CTDSPL: variants seen among roughly 807,000 people sequenced by gnomAD.
CTDSPL encodes the protein CTD small phosphatase-like protein.
CTDSPL carries 8 observed loss-of-function variants against 30.5 expected under a neutral mutation model. The ratio of observed to expected loss-of-function variants is 0.26; its 90% CI spans 0.15 to 0.47. The LOEUF (loss-of-function observed/expected upper bound fraction) is 0.47. Among genes scored for constraint, CTDSPL ranks in the 20% least tolerant of loss-of-function variants. CTDSPL has a pLI of 0.99. For synonymous variants in CTDSPL, 110 were observed against 137.9 expected, an observed-to-expected ratio of 0.80 and a Z score of 1.42; for missense variants, 248 against 366.1, an observed-to-expected ratio of 0.68 and a Z score of 2.63.
At chr3:37,968,234 C>T in intron 5 of CTDSPL, 1 of 460,902 alleles carries the variant, frequency 2.2e-6, no homozygotes. Flanking sequence ...AGGAAAATGC[C>T]ACAAGTCACC....
chr3:37,943,488 T>C (rs1019987682), intron 1 of CTDSPL, among the ~76,000 whole-genome samples: 3 of 150,200 alleles, frequency 2.0e-5, no homozygotes, highest in Non-Finnish European at 3.0e-5. Flanking sequence ...TTGGAATGAC[T>C]TTTGATGACT....
intron 1 of CTDSPL, among the ~76,000 whole-genome samples, chr3:37,926,186 A>G (rs181430938): frequency 6.6e-6 from 1 of 152,264 alleles, no homozygotes; most frequent in Admixed American, 6.5e-5. Context: ...CCAGCTGACA[A>G]AGGGAAATTA....
intron 1 of CTDSPL, among the ~76,000 whole-genome samples, chr3:37,920,082 A>T (rs1037444997): frequency 8.1e-6 from 1 of 124,120 alleles, no homozygotes; most frequent in Non-Finnish European, 1.8e-5. Flanking sequence ...GGGTGGAAAT[A>T]AAAAAAAAAC....
intron 1 of CTDSPL, among the ~76,000 whole-genome samples, chr3:37,942,235 A>T (rs78453411): frequency 0.012 from 1,795 of 150,692 alleles, 71 homozygotes; most frequent in African/African-American, 0.04. Flanking sequence ...TAGTTGTCAG[A>T]TAGCAGAGAA....
At position 37,979,854 on chromosome 3, in the gene CTDSPL, G is replaced by A. The variant is rs564057641; in HGVS notation, c.706-888G>A. 2.5e-4 allele frequency among the ~76,000 whole-genome samples: 38 copies of A among 151,450 alleles called. 1 individual carries two copies. The South Asian group carries it at 7.7e-3, about 31-fold the overall frequency. ...CACTTTTATTGCTTTTTTTCTTAAT[G>A]GTTTAATTGTATTTTAATTATATAA... On this transcript the variant is annotated intron_variant, in intron 7 of 7. Transcript: ENST00000273179.
intron 1 of CTDSPL, among the ~76,000 whole-genome samples, chr3:37,902,046 G>A (rs926110604): frequency 7.2e-5 from 11 of 152,154 alleles, no homozygotes; most frequent in African/African-American, 2.2e-4. Context: ...TAGAGAAGGA[G>A]GAAGGAGCAA....
At chr3:37,879,706 G>A (rs1184925334) in intron 1 of CTDSPL, among the ~76,000 whole-genome samples, 1 of 152,184 alleles carries the variant, frequency 6.6e-6, no homozygotes, top group Non-Finnish European at 1.5e-5. Context: ...GCAGGATGCA[G>A]CAAATAGAGT....
At chr3:37,958,887 G>C (rs533025022) in intron 3 of CTDSPL, among the ~76,000 whole-genome samples, 1 of 152,330 alleles carries the variant, frequency 6.6e-6, no homozygotes, top group South Asian at 2.1e-4. Context: ...TTAGCATATA[G>C]GACTGATCCC....
chr3:37,867,262 A>AT (rs1698020795), intron 1 of CTDSPL, among the ~76,000 whole-genome samples: 1 of 152,182 alleles, frequency 6.6e-6, no homozygotes, highest in African/African-American at 2.4e-5. Flanking sequence ...TTATCTGGAG[A>AT]TTCATCCAGG....
At chr3:37,935,878 G>A (rs1575306847) in intron 1 of CTDSPL, among the ~76,000 whole-genome samples, 1 of 152,152 alleles carries the variant, frequency 6.6e-6, no homozygotes, top group African/African-American at 2.4e-5. Context: ...CTGGAGTCAG[G>A]TTGTTCTGGC....
chr3:37,962,125 G>A (rs947124375), intron 3 of CTDSPL, among the ~76,000 whole-genome samples: 2 of 152,220 alleles, frequency 1.3e-5, no homozygotes, highest in Non-Finnish European at 2.9e-5. Flanking sequence ...GAAGACTTCA[G>A]AGAAAACTTG....
chr3:37,918,474 T>G (rs1225179609), intron 1 of CTDSPL, among the ~76,000 whole-genome samples: 1 of 152,192 alleles, frequency 6.6e-6, no homozygotes, highest in Non-Finnish European at 1.5e-5. Flanking sequence ...CTTGGAGCTC[T>G]CTAGCCTATA....
intron 1 of CTDSPL, among the ~76,000 whole-genome samples, chr3:37,909,616 T>C (rs554304545): frequency 6.6e-5 from 10 of 152,334 alleles, no homozygotes; most frequent in African/African-American, 2.4e-4. Flanking sequence ...CCCAGTGTGG[T>C]GATGTTCCTT....
chr3:37,933,435 T>G (rs1461187757), intron 1 of CTDSPL, among the ~76,000 whole-genome samples: 1 of 152,216 alleles, frequency 6.6e-6, no homozygotes, highest in Non-Finnish European at 1.5e-5. Context: ...TTTTAAAATT[T>G]TATTTAATTT....
intron 4 of CTDSPL, among the ~76,000 whole-genome samples, chr3:37,965,399 T>G (rs917885668): frequency 6.6e-6 from 1 of 151,176 alleles, no homozygotes; most frequent in Non-Finnish European, 1.5e-5. Flanking sequence ...TAGTTAACCA[T>G]TTTTTTTTGA....
At chr3:37,912,486 G>A (rs1434781239) in intron 1 of CTDSPL, among the ~76,000 whole-genome samples, 1 of 152,226 alleles carries the variant, frequency 6.6e-6, no homozygotes, top group Non-Finnish European at 1.5e-5. Context: ...GACCACACGA[G>A]GCTGAGGCAC....
intron 1 of CTDSPL, among the ~76,000 whole-genome samples, chr3:37,936,656 TAAAAAAAAAAAAAAA>T (rs577097327): frequency 2.1e-5 from 2 of 94,790 alleles, no homozygotes; most frequent in African/African-American, 8.2e-5. Context: ...TCTCCCCAGT[TAAAAAAAAAAAAAAA>T]AAAAAAAAAG....
intron 1 of CTDSPL, among the ~76,000 whole-genome samples, chr3:37,927,754 T>TA (rs1698802274): frequency 6.6e-6 from 1 of 150,946 alleles, no homozygotes; most frequent in Non-Finnish European, 1.5e-5. Context: ...AGTACAGTCT[T>TA]ATCTATATTG....
intron 1 of CTDSPL, among the ~76,000 whole-genome samples, chr3:37,937,259 G>C (rs13325709): frequency 0.066 from 9,916 of 150,164 alleles, 893 homozygotes; most frequent in African/African-American, 0.15. Context: ...CCCCACCAAA[G>C]CTCATATTGG....
Sources: gnomAD v4.1 joint callset for allele counts (sites outside exome capture counted in the v4.1 genomes callset) on GRCh38, gnomAD v4.1.1 for gene constraint, MANE v1.5 for transcripts, NCBI Gene and HGNC (gene_info 2026-07-23, HGNC 2026-07-21) for gene names.